The following KAZN variants were observed in gnomAD, a reference collection of about 807,000 sequenced individuals.
KAZN encodes kazrin.
KAZN carries 40 observed loss-of-function variants against 87.4 expected under a neutral mutation model. The ratio of observed to expected loss-of-function variants is 0.46; its 90% CI spans 0.36 to 0.60. The LOEUF (loss-of-function observed/expected upper bound fraction) is 0.60, where lower values mean the gene tolerates loss of function less well. Among genes scored for constraint, KAZN ranks in the 20% least tolerant of loss-of-function variants. The probability of loss-of-function intolerance (pLI) is 0.00; values close to 1 mark genes in which losing one functional copy is unlikely to be tolerated. For missense variants in KAZN, 898 were observed against 1,073.9 expected (o/e 0.84, Z 2.29); for synonymous variants, 466 against 458.3 (o/e 1.02, Z -0.22).
chr1:14,701,525 G>C (rs1048542523), intron 1 of KAZN, among the ~76,000 whole-genome samples: 6 of 152,208 alleles, frequency 3.9e-5, no homozygotes, highest in Non-Finnish European at 7.3e-5. Context: ...GGGTGCCATG[G>C]CTCATGCCTA....
Position 15,034,876 on chromosome 1 carries a change from G to A in KAZN, c.546G>A (p.Gln182=), listed in dbSNP as rs1378333276. ...GAGACTTCATCCGCAACTATGAGCA[G>A]CACCGCAAGGTCAGCCGCCGCCCTG... ...QLRDFIRNYE[Q]HRKESEDAVK... The change falls in exon 3 of 15, where the codon CAG becomes CAA. Residue 182 remains glutamine (Q), a synonymous_variant. Coordinates refer to ENST00000376030, the MANE Select transcript of KAZN (RefSeq NM_201628.3). 6.2e-7 allele frequency: 1 copy of A among 1,613,680 alleles called. No homozygotes were observed. Among genetic ancestry groups the A allele is most frequent in the Non-Finnish European group, 8.5e-7 (1 of 1,179,916 alleles).
At chr1:14,247,973 C>A (rs960727945) in intron 2 of KAZN, among the ~76,000 whole-genome samples, 1 of 152,134 alleles carries the variant, frequency 6.6e-6, no homozygotes. Context: ...CCTAATTAGG[C>A]GTGAACTCTA....
intron 1 of KAZN, among the ~76,000 whole-genome samples, chr1:13,911,041 C>G (rs1639635201): frequency 6.6e-6 from 1 of 151,938 alleles, no homozygotes; most frequent in South Asian, 2.1e-4. Context: ...ATGGCACACA[C>G]TTTTGTTTTG....
chr1:14,365,476 C>G (rs1377913619), intron 2 of KAZN, among the ~76,000 whole-genome samples: 2 of 151,572 alleles, frequency 1.3e-5, no homozygotes, highest in Non-Finnish European at 2.9e-5. Context: ...ATTCTATTTC[C>G]AAATAACGTC....
intron 2 of KAZN, among the ~76,000 whole-genome samples, chr1:14,998,409 G>A (rs368204800): frequency 0.27 from 31,460 of 115,742 alleles, 3,760 homozygotes; most frequent in African/African-American, 0.56. Flanking sequence ...GTATGTGGCG[G>A]GGGGACTTTG....
intron 1 of KAZN, among the ~76,000 whole-genome samples, chr1:14,917,456 TGTCCCGCTCA>T (rs1255414097): frequency 7.9e-5 from 12 of 152,126 alleles, no homozygotes; most frequent in Non-Finnish European, 5.9e-5. Context: ...GCAGGGAGTG[TGTCCCGCTCA>T]GAAGCCGTGG....
rs542711744 is a variant in KAZN at position 14,070,323 on chromosome 1, CA to C, written c.92-110111del. Among the ~76,000 whole-genome samples, 481 of 152,078 alleles carry C rather than the reference CA, an allele frequency of 3.2e-3. 2 individuals are homozygous for C. The highest frequency in any genetic ancestry group is 4.7e-3 in the Non-Finnish European group (319 of 67,988). On this transcript the variant is annotated intron_variant, in intron 1 of 16. Coordinates refer to the KAZN transcript ENST00000636203. Reference sequence around the variant, plus strand: ...ACCACCTTCTTATTTATTGCAAAAACAGCCTAATATTTGTAAGGAATTTCAC... The same window carrying C: ...ACCACCTTCTTATTTATTGCAAAAACGCCTAATATTTGTAAGGAATTTCAC...
chr1:14,101,245 C>T (rs891827936), intron 1 of KAZN, among the ~76,000 whole-genome samples: 2 of 152,212 alleles, frequency 1.3e-5, no homozygotes, highest in African/African-American at 4.8e-5. Context: ...TTCTGCACAG[C>T]TCATAACCAC....
At chr1:14,245,273 G>A (rs1649392792) in intron 2 of KAZN, among the ~76,000 whole-genome samples, 3 of 152,052 alleles carry the variant, frequency 2.0e-5, no homozygotes, top group Non-Finnish European at 4.4e-5. Context: ...AGAGGGCACA[G>A]GCAGGCATCA....
At chr1:14,276,642 G>A (rs1437231364) in intron 2 of KAZN, among the ~76,000 whole-genome samples, 1 of 152,114 alleles carries the variant, frequency 6.6e-6, no homozygotes, top group Non-Finnish European at 1.5e-5. Flanking sequence ...CTCTGTGTGT[G>A]TCTGTCTCTG....
intron 2 of KAZN, among the ~76,000 whole-genome samples, chr1:14,455,489 T>C (rs1385732074): frequency 2.0e-5 from 3 of 152,208 alleles, no homozygotes; most frequent in Non-Finnish European, 4.4e-5. Context: ...AGTGTTCCAG[T>C]GTTGTTTGCA....
At chr1:14,013,678 T>C (rs1640428455) in intron 1 of KAZN, among the ~76,000 whole-genome samples, 1 of 152,248 alleles carries the variant, frequency 6.6e-6, no homozygotes, top group Admixed American at 6.5e-5. Context: ...CTTATTTTCC[T>C]GACACCGTAA....
intron 2 of KAZN, among the ~76,000 whole-genome samples, chr1:14,513,915 T>A (rs1244952714): frequency 1.3e-5 from 2 of 151,914 alleles, no homozygotes; most frequent in Non-Finnish European, 2.9e-5. Context: ...AAAAAAAAAA[T>A]TTCTGAGATT....
chr1:14,026,539 G>T (rs139776661), intron 1 of KAZN, among the ~76,000 whole-genome samples: 63 of 152,238 alleles, frequency 4.1e-4, no homozygotes, highest in African/African-American at 1.5e-3. Flanking sequence ...GCAAAGTCTA[G>T]ATATAAAGAA....
chr1:15,052,860 C>T, intron 4 of KAZN, among the ~76,000 whole-genome samples: 1 of 152,178 alleles, frequency 6.6e-6, no homozygotes, highest in African/African-American at 2.4e-5. Context: ...AAGCTGCCTA[C>T]TGAGATGGAA....
chr1:14,790,995 C>A (rs1462708360), intron 1 of KAZN, among the ~76,000 whole-genome samples: 2 of 152,044 alleles, frequency 1.3e-5, no homozygotes, highest in African/African-American at 4.8e-5. Context: ...CCGGCCCCCG[C>A]TGGCTTCCAA....
chr1:13,963,756 GGTCTGTGTGTGTGTGTGTGT>G (rs1641840779), intron 1 of KAZN, among the ~76,000 whole-genome samples: 1 of 117,040 alleles, frequency 8.5e-6, no homozygotes, highest in African/African-American at 3.2e-5. Flanking sequence ...TTTCTGCTGT[GGTCTGTGTGTGTGTGTGTGT>G]GTGTGTGTGT....
Position 14,775,498 on chromosome 1 carries a change from C to T in KAZN, c.226+176275C>T, listed in dbSNP as rs557939392. Among the ~76,000 whole-genome samples the T allele has an allele frequency of 3.4e-3, 518 of 152,334 alleles. 2 individuals are homozygous for T. Among genetic ancestry groups the T allele is most frequent in the African/African-American group, 0.012 (483 of 41,582 alleles). On this transcript the variant is annotated intron_variant, in intron 1 of 14. Coordinates refer to ENST00000376030, the MANE Select transcript of KAZN (RefSeq NM_201628.3). ...CAGAGATGATCCAGGTCAGCCTTGG[C>T]GTCCACGCCTTGTGATGTGGACACA...
chr1:14,387,934 G>C (rs933380174), intron 2 of KAZN, among the ~76,000 whole-genome samples: 4 of 152,332 alleles, frequency 2.6e-5, no homozygotes, highest in Middle Eastern at 6.8e-3. Context: ...TTTGCTGTTT[G>C]ATCTCAGACT....
Sources: allele counts gnomAD v4.1 joint callset (sites outside exome capture counted in the v4.1 genomes callset), GRCh38; gene constraint gnomAD v4.1.1; transcripts MANE v1.5; gene names NCBI Gene and HGNC (gene_info 2026-07-23, HGNC 2026-07-21).